PRKCA: variants seen among roughly 807,000 people sequenced by gnomAD.
The protein encoded by PRKCA is protein kinase C alpha type.
Under a neutral mutation model 87.0 loss-of-function variants are expected in PRKCA, and 27 were observed. That is an observed-to-expected ratio of 0.31 (90% CI 0.23 to 0.43). The LOEUF (loss-of-function observed/expected upper bound fraction) is 0.43. Among genes scored for constraint, PRKCA ranks in the 20% least tolerant of loss-of-function variants. The pLI is 1.00. For synonymous variants in PRKCA, 329 were observed against 311.1 expected, an observed-to-expected ratio of 1.06 and a Z score of -0.61; for missense variants, 518 against 852.3, an observed-to-expected ratio of 0.61 and a Z score of 4.88.
chr17:66,641,880 A>G (rs1206588932), intron 4 of PRKCA, among the ~76,000 whole-genome samples: 1 of 152,154 alleles, frequency 6.6e-6, no homozygotes, highest in African/African-American at 2.4e-5. Flanking sequence ...TAGTGGGTGG[A>G]CTGTGGAAAA....
intron 3 of PRKCA, among the ~76,000 whole-genome samples, chr17:66,502,328 G>A (rs1401597843): frequency 4.0e-5 from 6 of 151,694 alleles, no homozygotes; most frequent in East Asian, 3.9e-4. Flanking sequence ...TCCACCTCCC[G>A]GATTCAAGCG....
chr17:66,355,163 C>T (rs1194202389), intron 2 of PRKCA, among the ~76,000 whole-genome samples: 2 of 152,104 alleles, frequency 1.3e-5, no homozygotes, highest in African/African-American at 4.8e-5. Flanking sequence ...TCATTGAACA[C>T]ATTTTTTTTT....
intron 2 of PRKCA, among the ~76,000 whole-genome samples, chr17:66,382,559 C>T (rs553992273): frequency 1.1e-4 from 16 of 152,288 alleles, no homozygotes; most frequent in African/African-American, 3.9e-4. Context: ...CCTCAGCCTC[C>T]CAAAGTGCTG....
At chr17:66,341,565 AG>A (rs1316428281) in intron 2 of PRKCA, among the ~76,000 whole-genome samples, 1 of 152,208 alleles carries the variant, frequency 6.6e-6, no homozygotes, top group African/African-American at 2.4e-5. Context: ...GTTTGCCAAA[AG>A]GTAAAAAGCA....
rs186956616 is a variant in PRKCA at position 66,339,194 on chromosome 17, G to A, written c.205+33067G>A. On this transcript the variant is annotated intron_variant, in intron 2 of 16. Transcript: ENST00000413366. ...GTTTTGGAAGCTGACTTGCAACACT[G>A]TTATATCTGGAGTTATAACCTTCCA... Among the ~76,000 whole-genome samples the A allele has an allele frequency of 2.0e-3, 303 of 152,310 alleles. 1 individual carries two copies. Among genetic ancestry groups the A allele is most frequent in the African/African-American group, 6.8e-3 (284 of 41,564 alleles).
At chr17:66,586,838 T>TA (rs1298150755) in intron 3 of PRKCA, among the ~76,000 whole-genome samples, 1 of 152,120 alleles carries the variant, frequency 6.6e-6, no homozygotes, top group Non-Finnish European at 1.5e-5. Flanking sequence ...TCAGTCGGGA[T>TA]ACATAAAGAA....
At chr17:66,579,590 C>T (rs919646871) in intron 3 of PRKCA, among the ~76,000 whole-genome samples, 7 of 152,150 alleles carry the variant, frequency 4.6e-5, no homozygotes, top group Non-Finnish European at 2.9e-5. Context: ...CATGCCTGAG[C>T]TCACGTGGCT....
intron 8 of PRKCA, among the ~76,000 whole-genome samples, chr17:66,708,563 A>G (rs1487054158): frequency 1.3e-5 from 2 of 152,180 alleles, no homozygotes; most frequent in African/African-American, 4.8e-5. Context: ...CCACATAGCA[A>G]TTGTATCAAG....
chr17:66,587,576 TATAG>T (rs1162142732), intron 3 of PRKCA, among the ~76,000 whole-genome samples: 4 of 151,698 alleles, frequency 2.6e-5, no homozygotes, highest in African/African-American at 7.3e-5. Context: ...CAGATATATA[TATAG>T]ATAGATAGAC....
chr17:66,687,539 T>C (rs1298810564), intron 6 of PRKCA, among the ~76,000 whole-genome samples: 1 of 152,192 alleles, frequency 6.6e-6, no homozygotes. Context: ...TTAAGGTAAA[T>C]AGAATTTAAG....
At chr17:66,639,510 C>T (rs905501596) in intron 3 of PRKCA, 3 of 152,128 alleles carry the variant, frequency 2.0e-5, no homozygotes, top group Non-Finnish European at 4.4e-5. Flanking sequence ...GCCTCAGCCT[C>T]TCAAGTAGCT....
chr17:66,586,469 A>G (rs907538575), intron 3 of PRKCA, among the ~76,000 whole-genome samples: 2 of 152,210 alleles, frequency 1.3e-5, no homozygotes, highest in Non-Finnish European at 2.9e-5. Flanking sequence ...ACTGCAAAAG[A>G]CACAGAGCAT....
chr17:66,688,525 G>A, intron 7 of PRKCA, 89 bp downstream of exon 7: 5 of 1,483,352 alleles, frequency 3.4e-6, no homozygotes, highest in Non-Finnish European at 3.7e-6. Context: ...AGTTGAGGCT[G>A]GACATGGTGC....
intron 2 of PRKCA, among the ~76,000 whole-genome samples, chr17:66,494,199 T>C (rs1160294107): frequency 6.6e-6 from 1 of 152,158 alleles, no homozygotes; most frequent in Non-Finnish European, 1.5e-5. Flanking sequence ...TTATCATTGG[T>C]GAGAGGAGAA....
At chr17:66,348,357 G>T (rs574754397) in intron 2 of PRKCA, among the ~76,000 whole-genome samples, 2 of 152,098 alleles carry the variant, frequency 1.3e-5, no homozygotes, top group East Asian at 1.9e-4. Context: ...TGCTAGTACC[G>T]CCTGGCACTG....
intron 3 of PRKCA, among the ~76,000 whole-genome samples, chr17:66,545,471 TA>T (rs1264318167): frequency 1.3e-5 from 2 of 152,222 alleles, no homozygotes; most frequent in Non-Finnish European, 2.9e-5. Flanking sequence ...GACTTTACTT[TA>T]AAAAATGTTT....
At chr17:66,371,751 G>C (rs1438597199) in intron 2 of PRKCA, among the ~76,000 whole-genome samples, 1 of 152,202 alleles carries the variant, frequency 6.6e-6, no homozygotes, top group South Asian at 2.1e-4. Flanking sequence ...ATACATTAGA[G>C]CAGGCAGGGT....
At chr17:66,654,018 C>T (rs1971662664) in intron 5 of PRKCA, among the ~76,000 whole-genome samples, 1 of 152,198 alleles carries the variant, frequency 6.6e-6, no homozygotes, top group South Asian at 2.1e-4. Context: ...TTAATTTTCC[C>T]TGGGGAGAGG....
chr17:66,333,581 AG>A (rs890800637), intron 2 of PRKCA, among the ~76,000 whole-genome samples: 2 of 152,144 alleles, frequency 1.3e-5, no homozygotes, highest in Non-Finnish European at 2.9e-5. Flanking sequence ...AAGTTCTGTC[AG>A]GGGAGAGAAC....
Sources: gnomAD v4.1 joint callset for allele counts (sites outside exome capture counted in the v4.1 genomes callset) on GRCh38, gnomAD v4.1.1 for gene constraint, MANE v1.5 for transcripts, NCBI Gene and HGNC (gene_info 2026-07-23, HGNC 2026-07-21) for gene names.